NOP14: variants seen among roughly 807,000 people sequenced by gnomAD.
NOP14 encodes nucleolar protein 14.
NOP14 carries 57 observed loss-of-function variants against 101.6 expected under a neutral mutation model. The observed-to-expected ratio is 0.56, with a 90% CI of 0.45 to 0.70. The LOEUF is 0.70. Among genes scored for constraint, NOP14 ranks in the 30% least tolerant of loss-of-function variants. The pLI is 0.00. For synonymous variants in NOP14, 428 were observed against 424.0 expected (o/e 1.01, Z -0.12); for missense variants, 1,134 against 1,075.5 (o/e 1.05, Z -0.76).
In NOP14 at chr4:2,957,751, G is replaced by A; in HGVS notation, c.196-11C>T. On this transcript the variant is annotated splice_polypyrimidine_tract_variant and intron_variant, in intron 1 of 17. Transcript: ENST00000416614. ...TAAAGTCTGTGTACGCTGGAAAACA[G>A]GTCAGAAACAATCTCACAAAAAATT... 6.2e-7 allele frequency: 1 copy of A among 1,611,650 alleles called. No homozygotes were observed. Among genetic ancestry groups the A allele is most frequent in the East Asian group, 2.2e-5 (1 of 44,844 alleles).
chr4:2,962,922 G>C (rs1161802189), intron 1 of NOP14, among the ~76,000 whole-genome samples: 1 of 152,184 alleles, frequency 6.6e-6, no homozygotes, highest in Non-Finnish European at 1.5e-5. Context: ...CACGAGTGCA[G>C]GGTCTCCAAG....
chr4:2,947,304 TAA>T, intron 10 of NOP14: 1 of 561,726 alleles, frequency 1.8e-6, no homozygotes, highest in Non-Finnish European at 3.1e-6. Flanking sequence ...TGTTTGTGGT[TAA>T]AAGTCAGTCC....
chr4:2,938,205 C>T lies in NOP14; in HGVS notation c.*626G>A. The T allele has an allele frequency of 7.8e-7, 1 of 1,288,964 alleles. No individual in the cohort carries two copies. The highest frequency in any genetic ancestry group is 1.2e-5 in the South Asian group (1 of 80,916). The allele number at this position is 1,288,964 out of a possible 1,614,324, so 79.8% of individuals were successfully genotyped here. A position where few individuals can be genotyped will look rare whatever the true frequency, so the allele number is the denominator to read the frequency against. On this transcript the variant is annotated 3_prime_UTR_variant, in exon 18 of 18. Transcript: ENST00000416614. ...TGGGGGGAGCTGGAGGTTGGAATCACACCAACATTATAGCATTATTACTCT... is the reference window on the plus strand; with the variant it reads ...TGGGGGGAGCTGGAGGTTGGAATCATACCAACATTATAGCATTATTACTCT...
chr4:2,963,103 TCCCCGTGCG>T lies in NOP14; in HGVS notation c.195+13_195+21del, dbSNP rs1459659922. ...TGGGGTCCAGATCCTGCCTTCCGGC[TCCCCGTGCG>T]CCCCCCGCTTACCTTCCTGAGGGCC... On this transcript the variant is annotated intron_variant, in intron 1 of 17. Coordinates refer to ENST00000416614, the MANE Select transcript of NOP14 (RefSeq NM_001291978.2). 6.6e-7 allele frequency: 1 copy of T among 1,515,650 alleles called. No individual in the cohort carries two copies. The highest frequency in any genetic ancestry group is 2.3e-5 in the Admixed American group (1 of 44,364). 93.9% of individuals were successfully genotyped at this position (1,515,650 alleles called of 1,614,324 possible). A position where few individuals can be genotyped will look rare whatever the true frequency, so the allele number is the denominator to read the frequency against.
chr4:2,942,285 C>G lies in NOP14; in HGVS notation c.1958G>C (p.Arg653Thr). ...CTGCTGCCACGTGGCCACATCCTCT[C>G]TAGCAGACACCACGAGCAGTTCCGA... ...KNSELLVVSA[R>T]EDVATWQQSS... The change falls in exon 14 of 18, where the codon AGA becomes ACA. Residue 653 changes from arginine to threonine, a missense_variant. By Grantham distance (71) the Arg-to-Thr change is moderately conservative. Transcript: ENST00000416614. The G allele has an allele frequency of 6.2e-7, 1 of 1,614,186 alleles. No homozygotes were observed. The highest frequency in any genetic ancestry group is 2.2e-5 in the East Asian group (1 of 44,874).
At chr4:2,956,411 A>G (rs568767494) in intron 3 of NOP14, among the ~76,000 whole-genome samples, 21 of 152,214 alleles carry the variant, frequency 1.4e-4, no homozygotes, top group Non-Finnish European at 2.8e-4. Flanking sequence ...TTGAGGTTCA[A>G]ATAAAATAAT....
At chr4:2,952,185 T>C in intron 6 of NOP14, 90 bp downstream of exon 6, 1 of 1,309,456 alleles carries the variant, frequency 7.6e-7, no homozygotes, top group Non-Finnish European at 1.1e-6. Flanking sequence ...TCAAACAGAG[T>C]ATTCTCTTCA....
chr4:2,940,340 C>T (rs1425923878), intron 15 of NOP14: 1 of 152,354 alleles, frequency 6.6e-6, no homozygotes, highest in Non-Finnish European at 1.5e-5. Flanking sequence ...CAGATACAGC[C>T]ACTCCTGGGC....
intron 1 of NOP14, among the ~76,000 whole-genome samples, chr4:2,961,117 TTAA>T (rs1310098501): frequency 1.0e-4 from 8 of 79,080 alleles, no homozygotes; most frequent in South Asian, 2.9e-4. Context: ...TAATAATATA[TTAA>T]TATTATAATA....
Position 2,952,413 on chromosome 4 carries a change from G to A in NOP14, c.748-16C>T, listed in dbSNP as rs766013327. On this transcript the variant is annotated splice_polypyrimidine_tract_variant and intron_variant, in intron 5 of 17. Transcript: ENST00000416614. ...ATGCATCGGGCTAAGGTAGAAAGAA[G>A]AAATTCTTCATTTTAAAAATATATT... 42 of 1,557,090 alleles carry A rather than the reference G, an allele frequency of 2.7e-5. No individual in the cohort carries two copies. The highest frequency in any genetic ancestry group is 3.5e-5 in the Non-Finnish European group (41 of 1,155,418).
chr4:2,946,588 G>C, intron 10 of NOP14, 41 bp from the exon 11 acceptor site: 1 of 1,603,110 alleles, frequency 6.2e-7, no homozygotes, highest in Non-Finnish European at 8.5e-7. Context: ...AATGACTTTA[G>C]ATAAGAAACA....
intron 3 of NOP14, 35 bp downstream of exon 3, chr4:2,956,635 C>G (rs147257376): frequency 6.3e-7 from 1 of 1,580,556 alleles, no homozygotes; most frequent in South Asian, 1.2e-5. Flanking sequence ...CCTGACTCCA[C>G]GCCCACAGGC....
intron 7 of NOP14, 98 bp from the exon 8 acceptor site, chr4:2,950,311 C>G (rs1714937955): frequency 6.0e-6 from 8 of 1,332,034 alleles, no homozygotes; most frequent in Non-Finnish European, 8.3e-6. Flanking sequence ...TCAGGGCTTT[C>G]TACGTGGTTG....
intron 1 of NOP14, among the ~76,000 whole-genome samples, chr4:2,959,381 A>C (rs1194599759): frequency 6.6e-6 from 1 of 152,096 alleles, no homozygotes; most frequent in Admixed American, 6.5e-5. Flanking sequence ...TCACGAGGTT[A>C]GAAGATCAAG....
rs149885863 is a variant in NOP14, at chr4:2,942,270, G to A, written c.1973C>T (p.Thr658Met). The A allele has an allele frequency of 8.1e-6, 13 of 1,613,948 alleles. No homozygotes were observed. The highest frequency in any genetic ancestry group is 6.7e-5 in the African/African-American group (5 of 74,924). The change falls in exon 14 of 18, where the codon ACG becomes ATG. Residue 658 changes from threonine to methionine, a missense_variant. Coordinates refer to ENST00000416614, the MANE Select transcript of NOP14 (RefSeq NM_001291978.2). Reference protein sequence around the residue: ...LVVSAREDVATWQQSSLSLRW... With the variant: ...LVVSAREDVAMWQQSSLSLRW... ...GAGGGAGAGGCTGCTCTGCTGCCAC[G>A]TGGCCACATCCTCTCTAGCAGACAC...
At chr4:2,943,235 C>A (rs1714355504) in intron 13 of NOP14, among the ~76,000 whole-genome samples, 1 of 152,244 alleles carries the variant, frequency 6.6e-6, no homozygotes. Context: ...TTGGAAGGGA[C>A]TCTGCTGGTG....
rs1261806757 is a variant in NOP14 at position 2,938,422 on chromosome 4, A to G, written c.*409T>C. ...GTAATCCCAGCTACTCGGGAGGCTG[A>G]GGCAGGAGAATCGCTTGAACCCAGG... On this transcript the variant is annotated 3_prime_UTR_variant, in exon 18 of 18. Transcript: ENST00000416614. 1.1e-5 allele frequency: 4 copies of G among 356,600 alleles called. No homozygotes were observed. The highest frequency in any genetic ancestry group is 7.9e-5 in the East Asian group (1 of 12,644). The allele number at this position is 356,600 out of a possible 1,614,324, so 22.1% of individuals were successfully genotyped here. A position where few individuals can be genotyped will look rare whatever the true frequency, so the allele number is the denominator to read the frequency against.
rs1714307966 is a variant in NOP14, at chr4:2,942,769, C to G, written c.1892-418G>C. Among the ~76,000 whole-genome samples, 2 of 152,122 alleles carry G rather than the reference C, an allele frequency of 1.3e-5. 1 individual carries two copies. Among genetic ancestry groups the G allele is most frequent in the Admixed American group, 1.3e-4 (2 of 15,282 alleles). On this transcript the variant is annotated intron_variant, in intron 13 of 17. Coordinates refer to ENST00000416614, the MANE Select transcript of NOP14 (RefSeq NM_001291978.2). Reference sequence around the variant, plus strand: ...GGAAAGTGGAGGGGCAGGAGGGAGACAGGAGAGTCAGTCGGGGGTGACGGT... The same window carrying G: ...GGAAAGTGGAGGGGCAGGAGGGAGAGAGGAGAGTCAGTCGGGGGTGACGGT...
intron 10 of NOP14, chr4:2,946,972 C>G (rs1192694700): frequency 4.4e-6 from 1 of 228,266 alleles, no homozygotes; most frequent in East Asian, 1.2e-4. Context: ...GGATCCGAAG[C>G]CAACACACGC....
Sources: gnomAD v4.1 joint callset for allele counts (sites outside exome capture counted in the v4.1 genomes callset) on GRCh38, gnomAD v4.1.1 for gene constraint, MANE v1.5 for transcripts, NCBI Gene and HGNC (gene_info 2026-07-23, HGNC 2026-07-21) for gene names.